Variants in ZNF385D observed in about 807,000 individuals in gnomAD.
The protein encoded by ZNF385D is zinc finger protein 659.
Under a neutral mutation model 35.8 loss-of-function variants are expected in ZNF385D, and 15 were observed. The ratio of observed to expected loss-of-function variants is 0.42; its 90% CI spans 0.28 to 0.64. The LOEUF (loss-of-function observed/expected upper bound fraction) is 0.64, where lower values mean the gene tolerates loss of function less well. Among genes scored for constraint, ZNF385D ranks in the 30% least tolerant of loss-of-function variants. The pLI is 0.23. For missense variants in ZNF385D, 474 were observed against 494.6 expected (o/e 0.96, Z 0.39); for synonymous variants, 212 against 186.8 (o/e 1.13, Z -1.10).
At chr3:22,082,044 G>A (rs1162021303) in intron 3 of ZNF385D, among the ~76,000 whole-genome samples, 1 of 141,880 alleles carries the variant, frequency 7.0e-6, no homozygotes, top group Non-Finnish European at 1.5e-5. Flanking sequence ...ATAACCAATA[G>A]AAATGACTTC....
At chr3:21,518,425 G>T (rs1707712470) in intron 3 of ZNF385D, among the ~76,000 whole-genome samples, 1 of 152,042 alleles carries the variant, frequency 6.6e-6, no homozygotes, top group South Asian at 2.1e-4. Flanking sequence ...TATTGTCGCA[G>T]GACAATTCCT....
intron 3 of ZNF385D, among the ~76,000 whole-genome samples, chr3:22,017,366 T>A (rs746363903): frequency 2.0e-5 from 3 of 152,014 alleles, no homozygotes; most frequent in Non-Finnish European, 4.4e-5. Flanking sequence ...GTTCTTTCGG[T>A]TCGTAGATCT....
At chr3:21,429,134 G>A (rs1701171569) in intron 5 of ZNF385D, among the ~76,000 whole-genome samples, 1 of 151,148 alleles carries the variant, frequency 6.6e-6, no homozygotes, top group African/African-American at 2.4e-5. Flanking sequence ...AAGAAAACTG[G>A]CAAATGACTA....
intron 3 of ZNF385D, among the ~76,000 whole-genome samples, chr3:22,100,754 AG>A (rs1701893701): frequency 6.6e-6 from 1 of 151,872 alleles, no homozygotes; most frequent in Non-Finnish European, 1.5e-5. Context: ...TAGTGGGTGT[AG>A]CGCACCAGCA....
chr3:21,471,274 T>TTCTC (rs1292529107), intron 4 of ZNF385D, among the ~76,000 whole-genome samples: 1 of 104,780 alleles, frequency 9.5e-6, no homozygotes, highest in South Asian at 3.7e-4. Flanking sequence ...CTCTCTCTCT[T>TTCTC]TCTCTCTCTC....
intron 2 of ZNF385D, among the ~76,000 whole-genome samples, chr3:22,307,562 T>C (rs960115508): frequency 2.0e-5 from 3 of 152,148 alleles, no homozygotes; most frequent in Non-Finnish European, 4.4e-5. Flanking sequence ...CACATCCATG[T>C]AACACATATG....
At chr3:21,595,885 A>G (rs1292367946) in intron 2 of ZNF385D, among the ~76,000 whole-genome samples, 1 of 152,220 alleles carries the variant, frequency 6.6e-6, no homozygotes. Flanking sequence ...TTTCATGAAT[A>G]CCAACTATAT....
intron 2 of ZNF385D, among the ~76,000 whole-genome samples, chr3:22,342,393 G>C (rs1695467397): frequency 6.6e-6 from 1 of 150,662 alleles, no homozygotes; most frequent in African/African-American, 2.4e-5. Flanking sequence ...ATCTCCTGTA[G>C]ACTTACAATC....
intron 4 of ZNF385D, among the ~76,000 whole-genome samples, chr3:21,492,432 A>G (rs930064153): frequency 1.7e-4 from 26 of 151,964 alleles, no homozygotes; most frequent in African/African-American, 6.0e-4. Flanking sequence ...AAAAAAAAAA[A>G]AAAACTTTGT....
chr3:21,855,774 T>C (rs1260848532), intron 3 of ZNF385D, among the ~76,000 whole-genome samples: 1 of 152,056 alleles, frequency 6.6e-6, no homozygotes, highest in Non-Finnish European at 1.5e-5. Context: ...TCCTCTTCAC[T>C]GTAGATACAG....
At position 21,662,073 on chromosome 3, in the gene ZNF385D, T is replaced by A. The variant is rs1285808321; in HGVS notation, c.165+2813A>T. Reference sequence around the variant, plus strand: ...CTCTGATCACCAGGCAGAGAGTCTCTGATCATCATGGACTTTGCTTTATAA... The same window carrying A: ...CTCTGATCACCAGGCAGAGAGTCTCAGATCATCATGGACTTTGCTTTATAA... On this transcript the variant is annotated intron_variant, in intron 2 of 7. Coordinates refer to ENST00000281523, the MANE Select transcript of ZNF385D (RefSeq NM_024697.3). Among the ~76,000 whole-genome samples, 6 of 152,184 alleles carry A rather than the reference T, an allele frequency of 3.9e-5. No homozygotes were observed. In the East Asian group the frequency reaches 1.2e-3, roughly 29 times the overall value.
At chr3:21,425,892 T>A (rs1406327043) in intron 5 of ZNF385D, among the ~76,000 whole-genome samples, 2 of 152,222 alleles carry the variant, frequency 1.3e-5, no homozygotes, top group Non-Finnish European at 2.9e-5. Context: ...CATCACTTTA[T>A]ATGATGTTAT....
At chr3:21,750,255 A>G (rs1373260465) in intron 1 of ZNF385D, among the ~76,000 whole-genome samples, 4 of 152,206 alleles carry the variant, frequency 2.6e-5, no homozygotes, top group Non-Finnish European at 4.4e-5. Context: ...AGGCAGCTCA[A>G]CTGAAAACCT....
At chr3:22,233,086 G>T (rs1418511214) in intron 2 of ZNF385D, among the ~76,000 whole-genome samples, 1 of 151,464 alleles carries the variant, frequency 6.6e-6, no homozygotes, top group Non-Finnish European at 1.5e-5. Context: ...AATTTTTTTT[G>T]TTTTTAGTAT....
chr3:21,810,658 G>T (rs1575692116), intron 3 of ZNF385D, among the ~76,000 whole-genome samples: 1 of 151,982 alleles, frequency 6.6e-6, no homozygotes, highest in Admixed American at 6.6e-5. Flanking sequence ...TGAGATTAAA[G>T]CTGGATTGTT....
chr3:21,900,179 A>T (rs1161016983), intron 3 of ZNF385D, among the ~76,000 whole-genome samples: 1 of 152,194 alleles, frequency 6.6e-6, no homozygotes, highest in Non-Finnish European at 1.5e-5. Context: ...CTATGTTTCA[A>T]CAAAGATAAA....
chr3:22,202,794 T>C (rs1374403095), intron 2 of ZNF385D, among the ~76,000 whole-genome samples: 3 of 152,106 alleles, frequency 2.0e-5, no homozygotes, highest in Non-Finnish European at 4.4e-5. Context: ...CAGGCTGTGC[T>C]CCCAGCACTG....
At chr3:22,057,513 A>AC (rs1553600717) in intron 3 of ZNF385D, among the ~76,000 whole-genome samples, 1 of 144,852 alleles carries the variant, frequency 6.9e-6, no homozygotes, top group Non-Finnish European at 1.5e-5. Flanking sequence ...CTTTTAAAGT[A>AC]TTTTTTTTTT....
intron 3 of ZNF385D, among the ~76,000 whole-genome samples, chr3:21,838,619 TCA>T (rs1276991878): frequency 6.6e-6 from 1 of 152,076 alleles, no homozygotes; most frequent in East Asian, 1.9e-4. Context: ...TTCTGGAAGG[TCA>T]CGGTTTTTTA....
Sources: gnomAD v4.1 joint callset for allele counts (sites outside exome capture counted in the v4.1 genomes callset) on GRCh38, gnomAD v4.1.1 for gene constraint, MANE v1.5 for transcripts, NCBI Gene and HGNC (gene_info 2026-07-23, HGNC 2026-07-21) for gene names.